The following TYRO3 variants were observed in gnomAD, a reference collection of about 807,000 sequenced individuals.
TYRO3 encodes TYRO3 protein tyrosine kinase.
A neutral mutation model predicts 95.2 loss-of-function variants in TYRO3; 38 were observed. That is an observed-to-expected ratio of 0.40 (90% CI 0.31 to 0.52). The LOEUF (loss-of-function observed/expected upper bound fraction) is 0.52. Ranked by LOEUF, TYRO3 falls within the 20% of genes least tolerant of loss-of-function variation. TYRO3 has a pLI of 0.56. For synonymous variants in TYRO3, 367 were observed against 432.9 expected, an observed-to-expected ratio of 0.85 and a Z score of 1.89; for missense variants, 812 against 1,116.4, an observed-to-expected ratio of 0.73 and a Z score of 3.89.
chr15:41,569,297 TAAA>T (rs35205912), intron 9 of TYRO3, among the ~76,000 whole-genome samples: 3 of 138,552 alleles, frequency 2.2e-5, no homozygotes, highest in Non-Finnish European at 4.7e-5. Flanking sequence ...ACAAAAAAAT[TAAA>T]AAAAAAAAAA....
At position 41,570,958 on chromosome 15, in the gene TYRO3, C is replaced by T. The variant is rs561157012; in HGVS notation, c.1580-80C>T. The T allele has an allele frequency of 1.1e-5, 16 of 1,482,256 alleles. No individual in the cohort carries two copies. The Admixed American group carries it at 2.5e-4, about 23-fold the overall frequency. 91.8% of individuals were successfully genotyped at this position (1,482,256 alleles called of 1,614,324 possible). ...GCCCCAGAGTCTGCTGACTGTGTTC[C>T]CATGGAGGGTCACTTGGGAGGAAGG... On this transcript the variant is annotated intron_variant, in intron 12 of 18. Transcript: ENST00000263798.
intron 18 of TYRO3, 153 bp from the exon 19 acceptor site, chr15:41,577,733 C>A (rs533323226): frequency 5.6e-6 from 4 of 718,620 alleles, no homozygotes; most frequent in East Asian, 2.7e-5. Flanking sequence ...ATAATACCCC[C>A]CTTCGGCCTC....
intron 1 of TYRO3, among the ~76,000 whole-genome samples, chr15:41,560,455 A>G (rs1401580281): frequency 1.5e-5 from 2 of 129,802 alleles, no homozygotes; most frequent in Non-Finnish European, 3.4e-5. Context: ...GCTCGCACGC[A>G]AGTTCCAAAG....
At position 41,578,861 on chromosome 15, in the gene TYRO3, G is replaced by C. The variant is rs1249653690; in HGVS notation, c.*585G>C. 6.4e-6 allele frequency: 1 copy of C among 155,822 alleles called. No individual in the cohort carries two copies. Among genetic ancestry groups the C allele is most frequent in the Non-Finnish European group, 1.4e-5 (1 of 70,674 alleles). 9.7% of individuals were successfully genotyped at this position (155,822 alleles called of 1,614,324 possible). A position where few individuals can be genotyped will look rare whatever the true frequency, so the allele number is the denominator to read the frequency against. On this transcript the variant is annotated 3_prime_UTR_variant, in exon 19 of 19. Transcript: ENST00000263798. The stretch of plus-strand genomic sequence containing the variant: ...CCTGCCTACGCCAGGAGAAGTTGAG[G>C]GGAGCATGCTTCCCTGCAGCTGACC...
intron 6 of TYRO3, among the ~76,000 whole-genome samples, chr15:41,566,215 G>C (rs2055722095): frequency 6.7e-6 from 1 of 150,272 alleles, no homozygotes; most frequent in Non-Finnish European, 1.5e-5. Context: ...CAGGAGGCTA[G>C]AGTGGGAGGA....
At chr15:41,561,434 C>A in intron 2 of TYRO3, 105 bp from the exon 3 acceptor site, 1 of 1,409,788 alleles carries the variant, frequency 7.1e-7, no homozygotes, top group Non-Finnish European at 9.6e-7. Context: ...TATTTGGCTA[C>A]CTGTGGGACC....
intron 16 of TYRO3, 92 bp from the exon 17 acceptor site, chr15:41,573,216 T>C (rs1483027485): frequency 2.1e-6 from 3 of 1,422,034 alleles, no homozygotes; most frequent in African/African-American, 2.8e-5. Flanking sequence ...TGCATGGGGG[T>C]AGCTTGGGAG....
chr15:41,571,747 A>G, intron 14 of TYRO3, 60 bp downstream of exon 14: 1 of 805,416 alleles, frequency 1.2e-6, no homozygotes, highest in African/African-American at 1.7e-5. Context: ...CTCTACCAAT[A>G]TGAGATGGCA....
At chr15:41,576,671 A>ATTTTT (rs2055864661) in intron 18 of TYRO3, among the ~76,000 whole-genome samples, 99 of 129,660 alleles carry the variant, frequency 7.6e-4, no homozygotes, top group African/African-American at 2.9e-3. Context: ...TTTTTTTTTA[A>ATTTTT]AAAAAAAAAA....
chr15:41,562,739 G>A (rs774130974), intron 4 of TYRO3, 21 bp downstream of exon 4: 2 of 1,583,414 alleles, frequency 1.3e-6, no homozygotes, highest in Non-Finnish European at 1.7e-6. Context: ...TCAGAAGGGG[G>A]CTGGGAGTGG....
intron 18 of TYRO3, 21 bp downstream of exon 18, chr15:41,573,836 G>C: frequency 1.2e-6 from 2 of 1,610,870 alleles, no homozygotes; most frequent in Non-Finnish European, 1.7e-6. Flanking sequence ...TGGGAAGGGG[G>C]CTCTGGAAGG....
In TYRO3 at chr15:41,578,694, A is replaced by G. The variant is rs913162927; in HGVS notation, c.*418A>G. ...CTGCCTCCAGCCTGGTGGCCCAGCT[A>G]TTACCACACTTGGGGTTTAAATATC... On this transcript the variant is annotated 3_prime_UTR_variant, in exon 19 of 19. Coordinates refer to ENST00000263798, the MANE Select transcript of TYRO3 (RefSeq NM_006293.4). The G allele has an allele frequency of 2.6e-5, 6 of 233,188 alleles. No individual in the cohort carries two copies. The highest frequency in any genetic ancestry group is 6.9e-5 in the African/African-American group (3 of 43,728). The allele number at this position is 233,188 out of a possible 1,614,324, so 14.4% of individuals were successfully genotyped here.
At chr15:41,559,548 G>A (rs1238055201) in intron 1 of TYRO3, among the ~76,000 whole-genome samples, 167 bp downstream of exon 1, 4 of 152,298 alleles carry the variant, frequency 2.6e-5, no homozygotes, top group East Asian at 1.9e-4. Flanking sequence ...CTCGCCGCCA[G>A]ATCTCCGGCC....
Position 41,582,823 on chromosome 15 carries a change from T to C in TYRO3, c.*4547T>C, listed in dbSNP as rs749183581. On this transcript the variant is annotated 3_prime_UTR_variant, in exon 19 of 19. Coordinates refer to ENST00000263798, the MANE Select transcript of TYRO3 (RefSeq NM_006293.4). ...TTATTGTCCCAATACCACCATTTAT[T>C]GAACAATCTATATTTTATGCACATT... 7 of 152,038 alleles carry C rather than the reference T, an allele frequency of 4.6e-5. No individual in the cohort carries two copies. The highest frequency in any genetic ancestry group is 8.8e-5 in the Non-Finnish European group (6 of 68,024). 9.4% of individuals were successfully genotyped at this position (152,038 alleles called of 1,614,324 possible).
Position 41,581,312 on chromosome 15 carries a change from T to C in TYRO3, c.*3036T>C, listed in dbSNP as rs2055920870. ...AGACTGGGAGGGCCCACAGGTATTG[T>C]GCTGCTTCTGGCTGAGGGCAGGGGA... On this transcript the variant is annotated 3_prime_UTR_variant, in exon 19 of 19. Transcript: ENST00000263798. 6.5e-6 allele frequency: 1 copy of C among 153,554 alleles called. No individual in the cohort carries two copies. The highest frequency in any genetic ancestry group is 1.5e-5 in the Non-Finnish European group (1 of 68,056). The allele number at this position is 153,554 out of a possible 1,614,324, so 9.5% of individuals were successfully genotyped here. A position where few individuals can be genotyped will look rare whatever the true frequency, so the allele number is the denominator to read the frequency against.
chr15:41,562,462 G>A lies in TYRO3; in HGVS notation c.410-86G>A, dbSNP rs1019012615. 6.8e-6 allele frequency: 10 copies of A among 1,469,854 alleles called. No individual in the cohort carries two copies. The Admixed American group carries it at 7.4e-5, about 11-fold the overall frequency. The allele number at this position is 1,469,854 out of a possible 1,614,324, so 91.1% of individuals were successfully genotyped here. A position where few individuals can be genotyped will look rare whatever the true frequency, so the allele number is the denominator to read the frequency against. On this transcript the variant is annotated intron_variant, in intron 3 of 18. Transcript: ENST00000263798. ...GCCTGTGGGAACCTTCTGCGTGGAG[G>A]ACTTCAGATGTAAACAGACTTGTGA... is the stretch of plus-strand genomic sequence containing the variant.
chr15:41,570,683 C>T lies in TYRO3; in HGVS notation c.1563C>T (p.Gly521=). The T allele has an allele frequency of 1.2e-6, 2 of 1,614,162 alleles. No homozygotes were observed. The highest frequency in any genetic ancestry group is 1.7e-6 in the Non-Finnish European group (2 of 1,180,034). Residue 521 remains glycine, a synonymous_variant, in exon 12 of 19, where the codon GGC becomes GGT. Transcript: ENST00000263798. ...TCCCAGAGCAGCAGTTCACCCTGGG[C>T]CGGATGTTGGGCAAAGGTATGTGAG... is the stretch of plus-strand genomic sequence containing the variant. ...VLIPEQQFTL[G]RMLGKGEFGS...
At chr15:41,569,960 C>T (rs2055773151) in intron 9 of TYRO3, 67 bp from the exon 10 acceptor site, 2 of 1,557,260 alleles carry the variant, frequency 1.3e-6, no homozygotes, top group Non-Finnish European at 1.7e-6. Context: ...GATGGCCATC[C>T]TGGGAAAGTT....
intron 1 of TYRO3, 143 bp downstream of exon 1, chr15:41,559,524 C>G (rs2052135557): frequency 3.4e-6 from 1 of 292,104 alleles, no homozygotes; most frequent in Non-Finnish European, 6.3e-6. Context: ...CGGGACAGGG[C>G]ACGCTGCGGA....
Sources: allele counts gnomAD v4.1 joint callset (sites outside exome capture counted in the v4.1 genomes callset), GRCh38; gene constraint gnomAD v4.1.1; transcripts MANE v1.5; gene names NCBI Gene and HGNC (gene_info 2026-07-23, HGNC 2026-07-21).